Variants in OPCML observed in about 807,000 individuals in gnomAD.
OPCML encodes opioid binding protein/cell adhesion molecule like.
Under a neutral mutation model 37.8 loss-of-function variants are expected in OPCML, and 13 were observed. The observed-to-expected ratio is 0.34, with a 90% confidence interval of 0.22 to 0.55. The LOEUF (loss-of-function observed/expected upper bound fraction) is 0.55. Ranked by LOEUF, OPCML falls within the 20% of genes least tolerant of loss-of-function variation. OPCML has a pLI of 0.91. For missense variants in OPCML, 341 were observed against 435.6 expected, an observed-to-expected ratio of 0.78 and a Z score of 1.93; for synonymous variants, 176 against 168.8, an observed-to-expected ratio of 1.04 and a Z score of -0.33.
Position 132,459,294 on chromosome 11 carries a change from G to A in OPCML, c.506-21935C>T, listed in dbSNP as rs550570457. Among the ~76,000 whole-genome samples, 253 of 151,858 alleles carry A rather than the reference G, an allele frequency of 1.7e-3. 8 individuals carry two copies. Among genetic ancestry groups the A allele is most frequent in the Middle Eastern group, 3.4e-3 (1 of 294 alleles). ...TACTCAGGCCTTTGGACTCCAACTG[G>A]AACTACACCATCTGCTCCCCTGGGT... On this transcript the variant is annotated intron_variant, in intron 4 of 7. Transcript: ENST00000524381.
chr11:133,143,787 T>A (rs1373763036), intron 1 of OPCML, among the ~76,000 whole-genome samples: 1 of 152,248 alleles, frequency 6.6e-6, no homozygotes, highest in Non-Finnish European at 1.5e-5. Flanking sequence ...CCTACTTATC[T>A]TTCTAGGTTA....
intron 1 of OPCML, among the ~76,000 whole-genome samples, chr11:133,443,879 T>A (rs1481848500): frequency 6.6e-6 from 1 of 152,074 alleles, no homozygotes; most frequent in African/African-American, 2.4e-5. Context: ...GAGGCAAAGG[T>A]GGGAGAGTCA....
chr11:133,239,471 A>T (rs1470005117), intron 1 of OPCML, among the ~76,000 whole-genome samples: 1 of 152,204 alleles, frequency 6.6e-6, no homozygotes, highest in Non-Finnish European at 1.5e-5. Flanking sequence ...CAAAAATAGA[A>T]AGGGGCCTTG....
At chr11:133,316,939 T>C (rs754272573) in intron 1 of OPCML, among the ~76,000 whole-genome samples, 80 of 152,346 alleles carry the variant, frequency 5.3e-4, no homozygotes, top group Admixed American at 1.2e-3. Context: ...GGCTCACACC[T>C]GTAATCCCAG....
chr11:133,523,108 G>A (rs1279237354), intron 1 of OPCML, among the ~76,000 whole-genome samples: 2 of 152,118 alleles, frequency 1.3e-5, no homozygotes, highest in East Asian at 3.9e-4. Flanking sequence ...AACACAACTA[G>A]GGCTTTTTGT....
chr11:133,385,302 C>T (rs1294828639), intron 1 of OPCML, among the ~76,000 whole-genome samples: 1 of 152,166 alleles, frequency 6.6e-6, no homozygotes, highest in Non-Finnish European at 1.5e-5. Context: ...CGAAAACACT[C>T]AGCGAAGACC....
At chr11:132,574,275 G>GCTCTAATC (rs2096445255) in intron 3 of OPCML, among the ~76,000 whole-genome samples, 2 of 122,506 alleles carry the variant, frequency 1.6e-5, no homozygotes, top group African/African-American at 6.7e-5. Context: ...TTGTTTGTTT[G>GCTCTAATC]TTTGTTTTTG....
chr11:132,842,098 T>C (rs1443795504), intron 2 of OPCML, among the ~76,000 whole-genome samples: 1 of 152,068 alleles, frequency 6.6e-6, no homozygotes, highest in African/African-American at 2.4e-5. Context: ...CAAGAACCAC[T>C]TTCCTATTCA....
intron 1 of OPCML, among the ~76,000 whole-genome samples, chr11:133,140,513 AAATAAT>A (rs377272496): frequency 1.1e-3 from 102 of 95,924 alleles, no homozygotes; most frequent in East Asian, 3.7e-3. Context: ...CTCTGTCTCA[AAATAAT>A]AATAATAATA....
intron 1 of OPCML, chr11:133,006,081 A>C: frequency 1.3e-5 from 13 of 985,332 alleles, no homozygotes; most frequent in Non-Finnish European, 1.6e-5. Context: ...TGCTCATAAC[A>C]GTGAGACCAG....
chr11:133,136,599 C>G (rs548368660), intron 1 of OPCML, among the ~76,000 whole-genome samples: 1 of 151,738 alleles, frequency 6.6e-6, no homozygotes, highest in Non-Finnish European at 1.5e-5. Flanking sequence ...CAGGAAGAGG[C>G]GCTCCTGGAA....
intron 3 of OPCML, among the ~76,000 whole-genome samples, chr11:132,559,679 C>T (rs1023986669): frequency 2.0e-5 from 3 of 152,074 alleles, no homozygotes; most frequent in Admixed American, 6.5e-5. Flanking sequence ...GAAACTTCAC[C>T]CCATGTGTCA....
intron 2 of OPCML, among the ~76,000 whole-genome samples, chr11:132,832,257 A>G (rs1369708055): frequency 6.6e-6 from 1 of 151,730 alleles, no homozygotes; most frequent in Non-Finnish European, 1.5e-5. Flanking sequence ...TGAAAAAAAA[A>G]AATGATAGTG....
intron 2 of OPCML, among the ~76,000 whole-genome samples, chr11:132,681,148 A>G (rs768911366): frequency 2.0e-5 from 3 of 152,184 alleles, no homozygotes; most frequent in Admixed American, 1.3e-4. Context: ...ATTTTCTGAT[A>G]GTGATAGGGA....
chr11:132,923,357 A>T (rs1038686985), intron 2 of OPCML, among the ~76,000 whole-genome samples: 1 of 152,172 alleles, frequency 6.6e-6, no homozygotes, highest in Non-Finnish European at 1.5e-5. Flanking sequence ...GGGAATCTGT[A>T]TTCTAAAAAA....
intron 1 of OPCML, chr11:133,005,373 G>A (rs767962193): frequency 4.2e-5 from 41 of 985,228 alleles, no homozygotes; most frequent in Admixed American, 6.1e-5. Flanking sequence ...AGCAAATGCC[G>A]TTTCTCAGAT....
At chr11:132,931,456 A>G (rs1195548010) in intron 2 of OPCML, among the ~76,000 whole-genome samples, 4 of 152,196 alleles carry the variant, frequency 2.6e-5, no homozygotes, top group Non-Finnish European at 2.9e-5. Context: ...ATATAAAACT[A>G]CAAACGTTGA....
rs1249103573 is a variant in OPCML at position 133,174,813 on chromosome 11, G to A, written c.62-231803C>T. Among the ~76,000 whole-genome samples the A allele has an allele frequency of 1.3e-5, 2 of 152,122 alleles. No homozygotes were observed. The highest frequency in any genetic ancestry group is 2.9e-5 in the Non-Finnish European group (2 of 68,026). On this transcript the variant is annotated intron_variant, in intron 1 of 7. Coordinates refer to ENST00000524381, the MANE Select transcript of OPCML (RefSeq NM_001012393.5). This position sits in a 1 kb window ranked among gnomAD's most constrained non-coding sequence, Gnocchi z 4.6. ...TTTATGATGAGTGTATACTTCGTGT[G>A]CACTAGAAAAAGAGTACTTTAAAAT...
chr11:132,964,244 T>C (rs1342574196), intron 1 of OPCML, among the ~76,000 whole-genome samples: 1 of 152,194 alleles, frequency 6.6e-6, no homozygotes, highest in Non-Finnish European at 1.5e-5. Context: ...CAAAAACACA[T>C]GGGAATATTA....
Sources: gnomAD v4.1 joint callset for allele counts (sites outside exome capture counted in the v4.1 genomes callset) on GRCh38, gnomAD v4.1.1 for gene constraint, Gnocchi (gnomAD v3.1) non-coding constraint, MANE v1.5 for transcripts, NCBI Gene and HGNC (gene_info 2026-07-23, HGNC 2026-07-21) for gene names.